The following ATP6V0A4 variants were observed in gnomAD, a reference collection of about 807,000 sequenced individuals.
ATP6V0A4 encodes the protein ATPase H+ transporting V0 subunit a4, also known as V-type proton ATPase 116 kDa subunit a 4.
ATP6V0A4 carries 86 observed loss-of-function variants against 107.3 expected under a neutral mutation model. The observed-to-expected ratio is 0.80, with a 90% CI of 0.67 to 0.96. The LOEUF (loss-of-function observed/expected upper bound fraction) is 0.96, where lower values mean the gene tolerates loss of function less well. ATP6V0A4 is among the 40% of genes least tolerant of loss of function. ATP6V0A4 has a pLI of 0.00. For missense variants in ATP6V0A4, 908 were observed against 1,045.6 expected, an observed-to-expected ratio of 0.87 and a Z score of 1.81; for synonymous variants, 353 against 381.4, an observed-to-expected ratio of 0.93 and a Z score of 0.87.
At chr7:138,719,551 T>C (rs1804322354) in intron 19 of ATP6V0A4, among the ~76,000 whole-genome samples, 1 of 152,140 alleles carries the variant, frequency 6.6e-6, no homozygotes, top group Non-Finnish European at 1.5e-5. Context: ...CCAGTAAAAC[T>C]TTGGACACTG....
Position 138,762,402 on chromosome 7 carries a change from A to T in ATP6V0A4, c.450T>A (p.Thr150=). Residue 150 remains threonine (T), a synonymous_variant, in exon 7 of 22, where the codon ACT becomes ACA. Transcript: ENST00000310018. ...TETNLADDFF[T]EDTSGLLELK... ...ACTCCAGGAGGCCAGAAGTGTCCTC[A>T]GTAAAGAAATCATCAGCTAAATTGG... is the stretch of plus-strand genomic sequence containing the variant. The T allele has an allele frequency of 8.1e-6, 13 of 1,614,216 alleles. No individual in the cohort carries two copies. The highest frequency in any genetic ancestry group is 1.1e-5 in the Non-Finnish European group (13 of 1,180,030).
At chr7:138,723,252 A>G (rs1340311263) in intron 18 of ATP6V0A4, among the ~76,000 whole-genome samples, 1 of 152,192 alleles carries the variant, frequency 6.6e-6, no homozygotes, top group Non-Finnish European at 1.5e-5. Context: ...CATTGTTAAA[A>G]GAAATACACA....
At chr7:138,709,257 A>T (rs945487253) in intron 21 of ATP6V0A4, among the ~76,000 whole-genome samples, 10 of 151,044 alleles carry the variant, frequency 6.6e-5, no homozygotes, top group Non-Finnish European at 1.2e-4. Context: ...TTTTCTAAGC[A>T]TGTCTTCTGT....
chr7:138,784,225 T>TAC (rs1216330496), intron 2 of ATP6V0A4, among the ~76,000 whole-genome samples: 1 of 76,992 alleles, frequency 1.3e-5, no homozygotes, highest in Non-Finnish European at 2.3e-5. Flanking sequence ...TATATATATA[T>TAC]ATATATATAC....
At chr7:138,777,557 G>A (rs1320794189) in intron 2 of ATP6V0A4, among the ~76,000 whole-genome samples, 7 of 150,816 alleles carry the variant, frequency 4.6e-5, no homozygotes, top group Admixed American at 3.3e-4. Context: ...GGAGGTTGTG[G>A]AGAGCCAAGA....
chr7:138,718,089 A>G (rs1281305937), intron 19 of ATP6V0A4, among the ~76,000 whole-genome samples: 1 of 77,728 alleles, frequency 1.3e-5, no homozygotes, highest in Non-Finnish European at 2.3e-5. Context: ...GACGTCCAGG[A>G]AGGAATGGGG....
intron 2 of ATP6V0A4, among the ~76,000 whole-genome samples, chr7:138,778,933 A>T (rs769594938): frequency 6.6e-6 from 1 of 152,186 alleles, no homozygotes; most frequent in Non-Finnish European, 1.5e-5. Flanking sequence ...GTAATGAGGC[A>T]TCTCTGCTCC....
At chr7:138,752,582 G>A in intron 11 of ATP6V0A4, 43 bp downstream of exon 11, 1 of 1,608,970 alleles carries the variant, frequency 6.2e-7, no homozygotes, top group Non-Finnish European at 8.5e-7. Context: ...CCCAGCAGAG[G>A]GGCTGACTCA....
rs115590311 is a variant in ATP6V0A4, at chr7:138,725,442, C to T, written c.2010+3319G>A. 5.4e-3 allele frequency among the ~76,000 whole-genome samples: 826 copies of T among 152,150 alleles called. 3 individuals are homozygous for T. Among genetic ancestry groups the T allele is most frequent in the African/African-American group, 0.019 (769 of 41,518 alleles). Reference sequence around the variant, plus strand: ...AAATACAGTTCAAGAACAGGCAAAACGAACTGACAGTCCTGGAGGTCAGCA... The same window carrying T: ...AAATACAGTTCAAGAACAGGCAAAATGAACTGACAGTCCTGGAGGTCAGCA... On this transcript the variant is annotated intron_variant, in intron 18 of 21. Coordinates refer to ENST00000310018, the MANE Select transcript of ATP6V0A4 (RefSeq NM_020632.3).
chr7:138,755,546 T>G, intron 10 of ATP6V0A4, 143 bp downstream of exon 10: 1 of 1,147,682 alleles, frequency 8.7e-7, no homozygotes, highest in Non-Finnish European at 1.3e-6. Context: ...TGTGAAATCT[T>G]CCACAGCCAC....
Position 138,706,480 on chromosome 7 carries a change from G to A in ATP6V0A4, c.*144C>T. On this transcript the variant is annotated 3_prime_UTR_variant, in exon 22 of 22. Transcript: ENST00000310018. The stretch of plus-strand genomic sequence containing the variant: ...TTAAGTCGTATCAAATCCACAGGCT[G>A]ACGTCCAAATAATACACAGTTTCAT... 9.9e-7 allele frequency: 1 copy of A among 1,014,738 alleles called. No individual in the cohort carries two copies. Among genetic ancestry groups the A allele is most frequent in the Non-Finnish European group, 1.5e-6 (1 of 676,084 alleles). 62.9% of individuals were successfully genotyped at this position (1,014,738 alleles called of 1,614,324 possible).
chr7:138,784,137 T>C (rs1464834436), intron 2 of ATP6V0A4, among the ~76,000 whole-genome samples: 1 of 150,826 alleles, frequency 6.6e-6, no homozygotes, highest in Non-Finnish European at 1.5e-5. Flanking sequence ...AGCCAGATAA[T>C]ACAGCCTTAT....
chr7:138,762,830 C>T, intron 6 of ATP6V0A4, 70 bp downstream of exon 6: 1 of 1,542,460 alleles, frequency 6.5e-7, no homozygotes, highest in Non-Finnish European at 9.0e-7. Context: ...CCCAGGCCAG[C>T]CAGTTTCCAA....
In ATP6V0A4 at chr7:138,708,229, C is replaced by T. The variant is rs572764855; in HGVS notation, c.2429+1395G>A. 4.1e-3 allele frequency among the ~76,000 whole-genome samples: 621 copies of T among 151,874 alleles called. 7 individuals carry two copies. Among genetic ancestry groups the T allele is most frequent in the South Asian group, 0.027 (128 of 4,802 alleles). Reference sequence around the variant, plus strand: ...ACCACCCCAGCTAATTTTGTATTTTCAGTAGAGACGGGGTTTCTCCACGTC... The same window carrying T: ...ACCACCCCAGCTAATTTTGTATTTTTAGTAGAGACGGGGTTTCTCCACGTC... On this transcript the variant is annotated intron_variant, in intron 21 of 21. Coordinates refer to ENST00000310018, the MANE Select transcript of ATP6V0A4 (RefSeq NM_020632.3).
intron 1 of ATP6V0A4, among the ~76,000 whole-genome samples, chr7:138,793,438 G>A (rs955204756): frequency 6.6e-6 from 1 of 152,028 alleles, no homozygotes; most frequent in African/African-American, 2.4e-5. Flanking sequence ...AAAACTACAG[G>A]GAAGAAAGAA....
At chr7:138,728,992 A>G in intron 17 of ATP6V0A4, 130 bp from the exon 18 acceptor site, 3 of 1,550,716 alleles carry the variant, frequency 1.9e-6, no homozygotes, top group Non-Finnish European at 8.7e-7. Context: ...ATTTCAATGA[A>G]TCCATTCACC....
intron 20 of ATP6V0A4, among the ~76,000 whole-genome samples, chr7:138,714,586 G>A (rs938329249): frequency 8.6e-5 from 13 of 151,064 alleles, no homozygotes; most frequent in African/African-American, 1.9e-4. Context: ...AGACAGACAG[G>A]CAGATGATAG....
chr7:138,725,907 G>A (rs556807928), intron 18 of ATP6V0A4, among the ~76,000 whole-genome samples: 4 of 152,250 alleles, frequency 2.6e-5, no homozygotes, highest in African/African-American at 4.8e-5. Flanking sequence ...TTGGTGCCTC[G>A]TTATTCATGC....
chr7:138,733,942 G>A (rs998275533), intron 16 of ATP6V0A4, among the ~76,000 whole-genome samples, 194 bp downstream of exon 16: 2 of 152,036 alleles, frequency 1.3e-5, no homozygotes, highest in African/African-American at 4.8e-5. Flanking sequence ...GAGAGACTCT[G>A]CTCAGGAGAA....
Sources: gnomAD v4.1 joint callset for allele counts (sites outside exome capture counted in the v4.1 genomes callset) on GRCh38, gnomAD v4.1.1 for gene constraint, MANE v1.5 for transcripts, NCBI Gene and HGNC (gene_info 2026-07-23, HGNC 2026-07-21) for gene names.